Variants in NOL4 observed in about 807,000 individuals in gnomAD.
NOL4 encodes the protein cancer/testis antigen 125.
A neutral mutation model predicts 75.9 loss-of-function variants in NOL4; 17 were observed. The ratio of observed to expected loss-of-function variants is 0.22; its 90% confidence interval spans 0.15 to 0.34. The LOEUF is 0.34. Ranked by LOEUF, NOL4 falls within the 10% of genes least tolerant of loss-of-function variation. The probability of loss-of-function intolerance (pLI) is 1.00; values close to 1 mark genes in which losing one functional copy is unlikely to be tolerated. For missense variants in NOL4, 614 were observed against 793.5 expected (o/e 0.77, Z 2.72); for synonymous variants, 292 against 289.9 (o/e 1.01, Z -0.07).
chr18:33,978,726 A>G (rs1394956811), intron 6 of NOL4, among the ~76,000 whole-genome samples: 1 of 152,180 alleles, frequency 6.6e-6, no homozygotes, highest in African/African-American at 2.4e-5. Flanking sequence ...ACCTATGTAC[A>G]TCTTCCTCTG....
At chr18:34,075,634 T>C (rs2077711358) in intron 5 of NOL4, among the ~76,000 whole-genome samples, 1 of 152,168 alleles carries the variant, frequency 6.6e-6, no homozygotes, top group Non-Finnish European at 1.5e-5. Context: ...GGGAAGAGGC[T>C]ACACTCCATG....
intron 5 of NOL4, chr18:34,023,335 C>G (rs1406577652): frequency 2.3e-6 from 1 of 433,672 alleles, no homozygotes. Flanking sequence ...CTCTTTCCCT[C>G]TCTCCCTAAA....
At chr18:34,211,982 A>C (rs1348302166) in intron 1 of NOL4, among the ~76,000 whole-genome samples, 1 of 152,184 alleles carries the variant, frequency 6.6e-6, no homozygotes, top group African/African-American at 2.4e-5. Flanking sequence ...TATTTCTAAT[A>C]AATGAGAACA....
intron 10 of NOL4, among the ~76,000 whole-genome samples, chr18:33,867,649 AACACACACACAC>A (rs35491645): frequency 1.0e-3 from 155 of 148,788 alleles, no homozygotes; most frequent in African/African-American, 3.7e-3. Flanking sequence ...TGTGTATGTA[AACACACACACAC>A]ACACACACAC....
intron 10 of NOL4, among the ~76,000 whole-genome samples, chr18:33,855,383 T>C (rs1029202633): frequency 6.6e-6 from 1 of 152,050 alleles, no homozygotes; most frequent in Non-Finnish European, 1.5e-5. Context: ...TCAAATGTTA[T>C]AAAGATGCTA....
chr18:34,013,887 C>T (rs1600250761), intron 6 of NOL4, among the ~76,000 whole-genome samples: 1 of 151,634 alleles, frequency 6.6e-6, no homozygotes, highest in African/African-American at 2.4e-5. Flanking sequence ...TTGTTTCTAC[C>T]CTGAATAAGA....
chr18:33,883,458 C>A, intron 9 of NOL4, 34 bp from the exon 10 acceptor site: 1 of 1,544,064 alleles, frequency 6.5e-7, no homozygotes, highest in Non-Finnish European at 8.7e-7. Context: ...TTATTTATCA[C>A]CTCACAGTGC....
intron 9 of NOL4, among the ~76,000 whole-genome samples, chr18:33,933,036 G>A (rs1009652467): frequency 2.0e-5 from 3 of 151,998 alleles, no homozygotes; most frequent in East Asian, 1.9e-4. Context: ...GAACTACCCC[G>A]ATGGTCCAGA....
chr18:34,068,727 G>T (rs577053330), intron 5 of NOL4, among the ~76,000 whole-genome samples: 1 of 152,260 alleles, frequency 6.6e-6, no homozygotes, highest in Non-Finnish European at 1.5e-5. Context: ...CATCCTCACA[G>T]TAATTGTATT....
chr18:34,011,413 C>T (rs1315458762), intron 6 of NOL4, among the ~76,000 whole-genome samples: 5 of 151,574 alleles, frequency 3.3e-5, no homozygotes, highest in Non-Finnish European at 7.4e-5. Context: ...ATTCTTTCTC[C>T]AAATTTGGGT....
chr18:33,922,058 T>C (rs892702267), intron 9 of NOL4, among the ~76,000 whole-genome samples: 1 of 152,168 alleles, frequency 6.6e-6, no homozygotes, highest in South Asian at 2.1e-4. Flanking sequence ...TGCAGCTATG[T>C]TGCTACTATG....
intron 6 of NOL4, 60 bp from the exon 7 acceptor site, chr18:33,958,478 T>A (rs765170420): frequency 5.3e-5 from 75 of 1,408,872 alleles, no homozygotes; most frequent in Middle Eastern, 3.7e-4. Flanking sequence ...ATAAGTTTTA[T>A]GTTTCATCTT....
Position 34,007,494 on chromosome 18 carries a change from A to G in NOL4, c.1056+11824T>C, listed in dbSNP as rs554943224. Among the ~76,000 whole-genome samples the G allele has an allele frequency of 2.0e-5, 3 of 152,132 alleles. No individual in the cohort carries two copies. In the South Asian group the frequency reaches 6.2e-4, roughly 32 times the overall value. ...GAAGGTATAAATACCAGCTATCAAG[A>G]CAAGACTAGATACTGAATATAGGAA... On this transcript the variant is annotated intron_variant, in intron 6 of 10. Coordinates refer to ENST00000261592, the MANE Select transcript of NOL4 (RefSeq NM_003787.5).
intron 2 of NOL4, among the ~76,000 whole-genome samples, chr18:34,115,927 T>C (rs1332277152): frequency 6.6e-6 from 1 of 152,162 alleles, no homozygotes. Context: ...ACATTTTTCA[T>C]AACTTACCAC....
chr18:34,146,274 T>C (rs779671448), intron 1 of NOL4, among the ~76,000 whole-genome samples: 3 of 151,932 alleles, frequency 2.0e-5, no homozygotes, highest in Admixed American at 6.6e-5. Flanking sequence ...TAGTAGCTTT[T>C]GGTGTTTTAG....
At chr18:34,134,823 C>T (rs1242682544) in intron 1 of NOL4, among the ~76,000 whole-genome samples, 1 of 151,908 alleles carries the variant, frequency 6.6e-6, no homozygotes, top group African/African-American at 2.4e-5. Context: ...TTTGGGAAAA[C>T]TACAAATATA....
At chr18:34,100,722 C>T (rs529430463) in intron 4 of NOL4, among the ~76,000 whole-genome samples, 9 of 152,242 alleles carry the variant, frequency 5.9e-5, no homozygotes, top group Admixed American at 1.3e-4. Context: ...TCAGTCTACA[C>T]TCACTACCTT....
intron 1 of NOL4, among the ~76,000 whole-genome samples, chr18:34,155,777 T>C (rs1487917300): frequency 6.6e-6 from 1 of 152,128 alleles, no homozygotes; most frequent in East Asian, 1.9e-4. Context: ...GTGTTTCCTA[T>C]TGAATTAGCA....
chr18:33,892,817 T>C (rs2144847288), intron 9 of NOL4, among the ~76,000 whole-genome samples: 1 of 152,012 alleles, frequency 6.6e-6, no homozygotes, highest in Non-Finnish European at 1.5e-5. Context: ...ACTGCCTTCC[T>C]GGCTAATTTT....
Sources: allele counts gnomAD v4.1 joint callset (sites outside exome capture counted in the v4.1 genomes callset), GRCh38; gene constraint gnomAD v4.1.1; transcripts MANE v1.5; gene names NCBI Gene and HGNC (gene_info 2026-07-23, HGNC 2026-07-21).